ADAMTS19: variants seen among roughly 807,000 people sequenced by gnomAD.
ADAMTS19 encodes ADAM metallopeptidase with thrombospondin type 1 motif 19.
A neutral mutation model predicts 153.3 loss-of-function variants in ADAMTS19; 93 were observed. That is an observed-to-expected ratio of 0.61 (90% CI 0.51 to 0.72). ADAMTS19 has a LOEUF of 0.72. Among genes scored for constraint, ADAMTS19 ranks in the 30% least tolerant of loss-of-function variants. The probability of loss-of-function intolerance (pLI) is 0.00; values close to 1 mark genes in which losing one functional copy is unlikely to be tolerated. For missense variants in ADAMTS19, 1,482 were observed against 1,552.1 expected, an observed-to-expected ratio of 0.95 and a Z score of 0.76; for synonymous variants, 600 against 556.6, an observed-to-expected ratio of 1.08 and a Z score of -1.10.
rs1324387573 is a variant in ADAMTS19, at chr5:129,658,379, A to AGAG, written c.2305-238_2305-237insGAG. ...AAAGAAAGAAAGAAAGAGAGAGAGG[A>AGAG]AGGAAGGAAGGTAGGTAGGTTATCT... On this transcript the variant is annotated intron_variant, in intron 14 of 22. Coordinates refer to ENST00000274487, the MANE Select transcript of ADAMTS19 (RefSeq NM_133638.6). 4.4e-3 allele frequency among the ~76,000 whole-genome samples: 604 copies of AGAG among 135,898 alleles called. 36 individuals are homozygous for AGAG. The highest frequency in any genetic ancestry group is 0.017 in the African/African-American group (550 of 31,868). The allele number at this position is 135,898 out of a possible 152,430, so 89.2% of individuals were successfully genotyped here. A position where few individuals can be genotyped will look rare whatever the true frequency, so the allele number is the denominator to read the frequency against.
At chr5:129,653,345 G>GTAT (rs775366579) in intron 13 of ADAMTS19, among the ~76,000 whole-genome samples, 43 of 152,162 alleles carry the variant, frequency 2.8e-4, no homozygotes, top group Non-Finnish European at 4.4e-4. Flanking sequence ...TTGGATAATA[G>GTAT]TATTACTAGT....
At chr5:129,633,846 G>C (rs748483920) in intron 10 of ADAMTS19, among the ~76,000 whole-genome samples, 2 of 152,088 alleles carry the variant, frequency 1.3e-5, no homozygotes, top group Non-Finnish European at 2.9e-5. Flanking sequence ...GCCAAGGGGA[G>C]ACTTAAGCTC....
intron 7 of ADAMTS19, among the ~76,000 whole-genome samples, chr5:129,586,963 G>A (rs1749834238): frequency 6.6e-6 from 1 of 152,136 alleles, no homozygotes; most frequent in African/African-American, 2.4e-5. Flanking sequence ...CAAATTAGAA[G>A]AATGCAACAC....
intron 21 of ADAMTS19, among the ~76,000 whole-genome samples, chr5:129,721,169 G>A (rs193053939): frequency 3.3e-5 from 5 of 152,184 alleles, no homozygotes; most frequent in East Asian, 1.9e-4. Flanking sequence ...ATGATTCACC[G>A]GAATTGAGTG....
At chr5:129,717,008 A>C (rs1241091794) in intron 21 of ADAMTS19, among the ~76,000 whole-genome samples, 3 of 152,172 alleles carry the variant, frequency 2.0e-5, no homozygotes, top group Non-Finnish European at 2.9e-5. Flanking sequence ...TTGTTTATAC[A>C]GTTCTCTTTG....
intron 3 of ADAMTS19, among the ~76,000 whole-genome samples, chr5:129,517,204 T>C (rs958108912): frequency 1.3e-5 from 2 of 152,022 alleles, no homozygotes; most frequent in Non-Finnish European, 2.9e-5. Flanking sequence ...TGATGTAGCA[T>C]ATGGTCTTTC....
intron 21 of ADAMTS19, among the ~76,000 whole-genome samples, chr5:129,716,047 A>T (rs1173725762): frequency 6.6e-6 from 1 of 152,204 alleles, no homozygotes; most frequent in African/African-American, 2.4e-5. Flanking sequence ...AACAGAAAAA[A>T]AAAAGTATTT....
intron 7 of ADAMTS19, among the ~76,000 whole-genome samples, chr5:129,578,081 T>C (rs62399002): frequency 0.011 from 1,177 of 103,234 alleles, 52 homozygotes; most frequent in African/African-American, 0.035. Context: ...CACACACACA[T>C]ATATACATAT....
chr5:129,722,950 G>T (rs1340477900), intron 21 of ADAMTS19, among the ~76,000 whole-genome samples: 1 of 152,142 alleles, frequency 6.6e-6, no homozygotes, highest in Non-Finnish European at 1.5e-5. Flanking sequence ...TCAGAGTTAA[G>T]AATTTGTTAA....
intron 10 of ADAMTS19, among the ~76,000 whole-genome samples, chr5:129,625,450 C>T (rs992967864): frequency 6.6e-6 from 1 of 152,204 alleles, no homozygotes; most frequent in Admixed American, 6.5e-5. Context: ...TACAGTCCCA[C>T]CAACAGTGTA....
chr5:129,643,335 C>T (rs1055537167), intron 11 of ADAMTS19, among the ~76,000 whole-genome samples: 8 of 134,800 alleles, frequency 5.9e-5, no homozygotes, highest in African/African-American at 2.0e-4. Flanking sequence ...GCACTCCAGC[C>T]TGGGCGACAG....
At chr5:129,562,843 C>T (rs1170533332) in intron 7 of ADAMTS19, among the ~76,000 whole-genome samples, 1 of 152,012 alleles carries the variant, frequency 6.6e-6, no homozygotes, top group Non-Finnish European at 1.5e-5. Flanking sequence ...ACTCTCCAGG[C>T]ATTCTATGGA....
intron 8 of ADAMTS19, among the ~76,000 whole-genome samples, chr5:129,615,411 A>C (rs1427583472): frequency 6.6e-6 from 1 of 152,008 alleles, no homozygotes; most frequent in East Asian, 1.9e-4. Context: ...AATAAGAATC[A>C]TCTAAAAATG....
chr5:129,655,987 C>T (rs1207460811), intron 14 of ADAMTS19, among the ~76,000 whole-genome samples: 1 of 152,098 alleles, frequency 6.6e-6, no homozygotes, highest in Non-Finnish European at 1.5e-5. Flanking sequence ...ATATTCTGTA[C>T]TAGTAGAGCT....
rs368074603 is a variant in ADAMTS19, at chr5:129,735,154, G to A, written c.3490+45G>A. 3.9e-4 allele frequency: 573 copies of A among 1,462,590 alleles called. 1 individual carries two copies. Among genetic ancestry groups the A allele is most frequent in the Non-Finnish European group, 4.9e-4 (539 of 1,094,586 alleles). 90.6% of individuals were successfully genotyped at this position (1,462,590 alleles called of 1,614,324 possible). ...AGATGCTTTTGAAAAACATAGAAATGCTTATGGCTTCTTGTATTTTGTATA... is the reference window on the plus strand; with the variant it reads ...AGATGCTTTTGAAAAACATAGAAATACTTATGGCTTCTTGTATTTTGTATA... On this transcript the variant is annotated intron_variant, in intron 22 of 22. Coordinates refer to ENST00000274487, the MANE Select transcript of ADAMTS19 (RefSeq NM_133638.6).
rs1285565228 is a variant in ADAMTS19 at position 129,658,959 on chromosome 5, T to C, written c.2425+222T>C. Among the ~76,000 whole-genome samples the C allele has an allele frequency of 2.0e-5, 3 of 152,186 alleles. No individual in the cohort carries two copies. The East Asian group carries it at 5.8e-4, about 29-fold the overall frequency. On this transcript the variant is annotated intron_variant, in intron 15 of 22. Coordinates refer to ENST00000274487, the MANE Select transcript of ADAMTS19 (RefSeq NM_133638.6). ...AATATGAAGTCATCTGTTGTACATT[T>C]AATAAGTTGGAACAGCAAGGGAATA...
intron 18 of ADAMTS19, among the ~76,000 whole-genome samples, chr5:129,687,843 G>A (rs766305316): frequency 1.3e-5 from 2 of 152,110 alleles, no homozygotes; most frequent in Non-Finnish European, 2.9e-5. Flanking sequence ...GATACAAATG[G>A]ACGTTTTATT....
intron 3 of ADAMTS19, among the ~76,000 whole-genome samples, chr5:129,514,528 T>C (rs759037617): frequency 6.6e-6 from 1 of 152,178 alleles, no homozygotes; most frequent in African/African-American, 2.4e-5. Flanking sequence ...TGTGCATTTC[T>C]CTGGTGACCA....
intron 10 of ADAMTS19, among the ~76,000 whole-genome samples, chr5:129,628,797 T>C (rs960880830): frequency 6.6e-6 from 1 of 152,086 alleles, no homozygotes; most frequent in African/African-American, 2.4e-5. Flanking sequence ...TTGCCTACAA[T>C]ATACAGTAAG....
Sources: allele counts gnomAD v4.1 joint callset (sites outside exome capture counted in the v4.1 genomes callset), GRCh38; gene constraint gnomAD v4.1.1; transcripts MANE v1.5; gene names NCBI Gene and HGNC (gene_info 2026-07-23, HGNC 2026-07-21).